Variants in NPR1 observed in about 807,000 individuals in gnomAD.
NPR1 encodes the protein atrial natriuretic peptide receptor 1.
A neutral mutation model predicts 116.9 loss-of-function variants in NPR1; 57 were observed. The ratio of observed to expected loss-of-function variants is 0.49; its 90% confidence interval spans 0.39 to 0.61. The LOEUF is 0.61. NPR1 is among the 20% of genes least tolerant of loss of function. The pLI, the probability that NPR1 is intolerant of heterozygous loss-of-function variation, is 0.00. For synonymous variants in NPR1, 555 were observed against 601.6 expected (o/e 0.92, Z 1.13); for missense variants, 1,096 against 1,409.8 (o/e 0.78, Z 3.56).
In NPR1 at chr1:153,690,027, G is replaced by A. The variant is rs1044065780; in HGVS notation, c.2932+47G>A. The A allele has an allele frequency of 2.6e-5, 38 of 1,440,816 alleles. 1 individual carries two copies. Among genetic ancestry groups the A allele is most frequent in the East Asian group, 1.3e-4 (5 of 38,840 alleles). 89.3% of individuals were successfully genotyped at this position (1,440,816 alleles called of 1,614,324 possible). ...GCGGGCATCCAGAGGCCAAGGCTTC[G>A]CAAGGGAAACTTGTCCCCTGGCCCA... On this transcript the variant is annotated intron_variant, in intron 19 of 21. Transcript: ENST00000368680.
rs780404659 is a variant in NPR1, at chr1:153,679,690, G to A, written c.582G>A (p.Glu194=). 3.1e-5 allele frequency: 50 copies of A among 1,609,606 alleles called. No homozygotes were observed. The highest frequency in any genetic ancestry group is 8.9e-5 in the East Asian group (4 of 44,820). The change falls in exon 1 of 22, where the codon GAG becomes GAA. Residue 194 remains glutamate, a synonymous_variant. Coordinates refer to ENST00000368680, the MANE Select transcript of NPR1 (RefSeq NM_000906.4). The surrounding 1 kb of genome is among the most constrained non-coding windows in gnomAD (Gnocchi z 4.2). ...MLYAYRPGDE[E]HCFFLVEGLF... ...ACGCCTACCGGCCGGGTGACGAAGAGCACTGCTTCTTCCTCGTGGAGGGGC... is the reference window on the plus strand; with the variant it reads ...ACGCCTACCGGCCGGGTGACGAAGAACACTGCTTCTTCCTCGTGGAGGGGC...
intron 9 of NPR1, 61 bp downstream of exon 9, chr1:153,685,941 G>A: frequency 6.6e-7 from 1 of 1,519,076 alleles, no homozygotes; most frequent in South Asian, 1.1e-5. Flanking sequence ...TCTGATGGAG[G>A]ACTGGTGGGG....
At chr1:153,688,641 A>T (rs1037002430) in intron 15 of NPR1, 2 of 465,454 alleles carry the variant, frequency 4.3e-6, no homozygotes, top group East Asian at 3.7e-5. Context: ...CCTTCTGTGG[A>T]CATCACTTTG....
Position 153,683,771 on chromosome 1 carries a change from G to T in NPR1, c.1431G>T (p.Leu477Phe), listed in dbSNP as rs1344121580. Residue 477 changes from leucine to phenylalanine, a missense_variant, in exon 7 of 22, where the codon TTG becomes TTT. Transcript: ENST00000368680. ...TTTCCACCCTGGAGGTGCTGGCTTT[G>T]GTGGGCAGCCTCTCCTTGCTCGGCA... ...DHLSTLEVLA[L>F]VGSLSLLGIL... 1 of 1,614,104 alleles carries T rather than the reference G, an allele frequency of 6.2e-7. No homozygotes were observed. The highest frequency in any genetic ancestry group is 8.5e-7 in the Non-Finnish European group (1 of 1,180,036).
Position 153,681,827 on chromosome 1 carries a change from C to T in NPR1, c.1159C>T (p.Arg387Ter), listed in dbSNP as rs1313788512. Residue 387 changes from arginine to a stop codon, truncating the protein, a stop_gained, in exon 4 of 22, where the codon CGA becomes TGA. Transcript: ENST00000368680. LOFTEE classifies it high-confidence loss of function. ...GENITQRMWNRSFQGVTGYLK... is the reference protein window; with the variant it reads ...GENITQRMWN ...GAACATCACTCAGCGGATGTGGAACCGAAGCTTTCAAGGTCAGGGCCTGGA... is the reference window on the plus strand; with the variant it reads ...GAACATCACTCAGCGGATGTGGAACTGAAGCTTTCAAGGTCAGGGCCTGGA... 9 of 1,613,748 alleles carry T rather than the reference C, an allele frequency of 5.6e-6. No individual in the cohort carries two copies. The highest frequency in any genetic ancestry group is 6.8e-6 in the Non-Finnish European group (8 of 1,179,962).
Position 153,687,806 on chromosome 1 carries a change from T to C in NPR1, c.2248+17T>C. On this transcript the variant is annotated intron_variant, in intron 14 of 21. Coordinates refer to ENST00000368680, the MANE Select transcript of NPR1 (RefSeq NM_000906.4). ...GCCCCAAAGGTGAGAGGAGCACACC[T>C]TCCTTAAACCCAGCCACAGTCTCAA... 2 of 1,562,956 alleles carry C rather than the reference T, an allele frequency of 1.3e-6. No individual in the cohort carries two copies. The highest frequency in any genetic ancestry group is 1.7e-6 in the Non-Finnish European group (2 of 1,148,670).
intron 15 of NPR1, 144 bp from the exon 16 acceptor site, chr1:153,688,809 C>A: frequency 1.1e-6 from 1 of 935,538 alleles, no homozygotes; most frequent in Non-Finnish European, 1.6e-6. Flanking sequence ...TTCCCCTGCT[C>A]CCCGGTATCC....
At position 153,690,326 on chromosome 1, in the gene NPR1, A is replaced by G; in HGVS notation, c.2975A>G (p.Tyr992Cys). 1 of 1,561,036 alleles carries G rather than the reference A, an allele frequency of 6.4e-7. No homozygotes were observed. Among genetic ancestry groups the G allele is most frequent in the Non-Finnish European group, 8.7e-7 (1 of 1,151,320 alleles). Residue 992 changes from tyrosine (Y) to cysteine (C), a missense_variant, in exon 20 of 22, where the codon TAC (tyrosine) becomes TGC (cysteine). Tyr to Cys is a radical substitution (Grantham distance 194). Coordinates refer to ENST00000368680, the MANE Select transcript of NPR1 (RefSeq NM_000906.4). The part of the protein sequence containing the change: ...AGVVGLKMPR[Y>C]CLFGDTVNTA... ...GTGGTGGGACTGAAGATGCCCCGTT[A>G]CTGTCTCTTTGGGGATACAGTCAAC...
intron 2 of NPR1, 88 bp downstream of exon 2, chr1:153,680,788 C>T: frequency 1.8e-6 from 2 of 1,105,160 alleles, no homozygotes; most frequent in Admixed American, 5.4e-5. Context: ...GAAAGAATTC[C>T]AGAAAAGAGG....
chr1:153,680,471 TTC>T (rs767514475), intron 1 of NPR1, 28 bp from the exon 2 acceptor site: 11 of 1,609,590 alleles, frequency 6.8e-6, no homozygotes, highest in Non-Finnish European at 1.7e-6. Context: ...GTACCTAGGC[TTC>T]TCTCTCTGAC....
At chr1:153,684,061 A>G (rs1669859932) in intron 7 of NPR1, among the ~76,000 whole-genome samples, 1 of 152,148 alleles carries the variant, frequency 6.6e-6, no homozygotes, top group South Asian at 2.1e-4. Context: ...AAGATCCAAG[A>G]AGCAGAGAAG....
intron 20 of NPR1, among the ~76,000 whole-genome samples, chr1:153,691,828 G>A (rs746015585): frequency 1.6e-4 from 24 of 151,846 alleles, no homozygotes; most frequent in Admixed American, 1.4e-3. Flanking sequence ...GAACCCAGGA[G>A]GTGGATGTTG....
chr1:153,687,486 G>GGAA, intron 13 of NPR1, 130 bp downstream of exon 13: 1 of 1,483,112 alleles, frequency 6.7e-7, no homozygotes, highest in South Asian at 1.3e-5. Context: ...CATGAAAAAG[G>GGAA]GAAGGCCAGA....
intron 14 of NPR1, 36 bp downstream of exon 14, chr1:153,687,825 G>A (rs752516295): frequency 1.9e-6 from 3 of 1,545,926 alleles, no homozygotes; most frequent in Non-Finnish European, 2.6e-6. Context: ...CCCAGCCACA[G>A]TCTCAACGAA....
chr1:153,687,841 GC>G, intron 14 of NPR1, 52 bp downstream of exon 14: 1 of 1,526,248 alleles, frequency 6.6e-7, no homozygotes. Flanking sequence ...ACGAACCCCA[GC>G]CCCAGGGAGA....
At chr1:153,680,430 C>T (rs1033561867) in intron 1 of NPR1, 71 bp from the exon 2 acceptor site, 8 of 1,447,392 alleles carry the variant, frequency 5.5e-6, no homozygotes, top group South Asian at 3.4e-5. Flanking sequence ...CCCTTGGGTG[C>T]CCCAGCTTTC....
At position 153,683,796 on chromosome 1, in the gene NPR1, A is replaced by C; in HGVS notation, c.1456A>C (p.Ile486Leu). 1 of 1,613,968 alleles carries C rather than the reference A, an allele frequency of 6.2e-7. No individual in the cohort carries two copies. Among genetic ancestry groups the C allele is most frequent in the Non-Finnish European group, 8.5e-7 (1 of 1,180,008 alleles). ...ALVGSLSLLG[I>L]LIVSFFIYRK... ...GGTGGGCAGCCTCTCCTTGCTCGGCATTCTGATTGTCTCCTTCTTCATATA... is the reference window on the plus strand; with the variant it reads ...GGTGGGCAGCCTCTCCTTGCTCGGCCTTCTGATTGTCTCCTTCTTCATATA... Residue 486 changes from isoleucine (I) to leucine (L), a missense_variant, in exon 7 of 22, where the codon ATT becomes CTT. By Grantham distance (5) the Ile-to-Leu change is conservative. Transcript: ENST00000368680.
At chr1:153,681,889 A>G in intron 4 of NPR1, 50 bp downstream of exon 4, 1 of 1,599,808 alleles carries the variant, frequency 6.3e-7, no homozygotes, top group Non-Finnish European at 8.5e-7. Context: ...GATGAATCCC[A>G]GGTGCCCAGT....
chr1:153,683,606 C>A, intron 6 of NPR1, 95 bp downstream of exon 6: 3 of 1,564,986 alleles, frequency 1.9e-6, no homozygotes, highest in Non-Finnish European at 2.6e-6. Context: ...ATGCTGAGGG[C>A]TTTCTGGAGA....
Sources: gnomAD v4.1 joint callset for allele counts (sites outside exome capture counted in the v4.1 genomes callset) on GRCh38, gnomAD v4.1.1 for gene constraint, Gnocchi (gnomAD v3.1) non-coding constraint, MANE v1.5 for transcripts, NCBI Gene and HGNC (gene_info 2026-07-23, HGNC 2026-07-21) for gene names.